IQGAP3: variants seen among roughly 807,000 people sequenced by gnomAD.
The protein encoded by IQGAP3 is IQ motif containing GTPase activating protein 3, also known as ras GTPase-activating-like protein IQGAP3.
A neutral mutation model predicts 208.2 loss-of-function variants in IQGAP3; 165 were observed. The observed-to-expected ratio is 0.79, with a 90% confidence interval of 0.70 to 0.90. IQGAP3 has a LOEUF of 0.90. Among genes scored for constraint, IQGAP3 ranks in the 40% least tolerant of loss-of-function variants. The probability of loss-of-function intolerance (pLI) is 0.00; values close to 1 mark genes in which losing one functional copy is unlikely to be tolerated. For synonymous variants in IQGAP3, 703 were observed against 803.6 expected (o/e 0.87, Z 2.12); for missense variants, 1,811 against 2,043.1 (o/e 0.89, Z 2.19).
rs200621017 is a variant in IQGAP3 at position 156,532,996 on chromosome 1, G to A, written c.4087C>T (p.Arg1363Cys). ...ATCACCCACCTCAGAAGCAGGCTACGGGTGTTGGAGTCATCAGCATCTGCC... is the reference window on the plus strand; with the variant it reads ...ATCACCCACCTCAGAAGCAGGCTACAGGTGTTGGAGTCATCAGCATCTGCC... ...LEADADDSNT[R>C]SLLLSTKQLL... Residue 1363 changes from arginine to cysteine, a missense_variant, in exon 32 of 38, where the codon CGT (arginine) becomes TGT (cysteine). Arg to Cys is a radical substitution (Grantham distance 180). Transcript: ENST00000361170. 5.3e-5 allele frequency: 85 copies of A among 1,613,968 alleles called. No homozygotes were observed. The East Asian group carries it at 1.4e-3, about 27-fold the overall frequency.
At chr1:156,543,533 G>A (rs1377151440) in intron 22 of IQGAP3, among the ~76,000 whole-genome samples, 1 of 152,218 alleles carries the variant, frequency 6.6e-6, no homozygotes, top group Non-Finnish European at 1.5e-5. Flanking sequence ...AGCTTTAAAT[G>A]AGCACCCAAC....
Position 156,537,469 on chromosome 1 carries a change from G to C in IQGAP3, c.3282-148C>G, listed in dbSNP as rs546047962. On this transcript the variant is annotated intron_variant, in intron 26 of 37. Transcript: ENST00000361170. Reference sequence around the variant, plus strand: ...CAGCATGCTAAAGGAGAAAGGGCCAGAATGAGAGAAAGGACTGGAGAAATG... The same window carrying C: ...CAGCATGCTAAAGGAGAAAGGGCCACAATGAGAGAAAGGACTGGAGAAATG... 9.7e-6 allele frequency: 7 copies of C among 722,236 alleles called. No homozygotes were observed. The African/African-American group carries it at 1.1e-4, about 11-fold the overall frequency. The allele number at this position is 722,236 out of a possible 1,614,324, so 44.7% of individuals were successfully genotyped here. A position where few individuals can be genotyped will look rare whatever the true frequency, so the allele number is the denominator to read the frequency against.
intron 1 of IQGAP3, among the ~76,000 whole-genome samples, chr1:156,570,582 A>C (rs2102452942): frequency 6.6e-6 from 1 of 152,314 alleles, no homozygotes; most frequent in East Asian, 1.9e-4. Context: ...GCAGTAGTGC[A>C]GCCTTGACCT....
intron 7 of IQGAP3, 98 bp from the exon 8 acceptor site, chr1:156,563,410 C>G (rs989762056): frequency 2.9e-6 from 4 of 1,393,570 alleles, no homozygotes; most frequent in Non-Finnish European, 3.9e-6. Context: ...CTTTTTCCCA[C>G]CCTCAAGGGC....
chr1:156,551,225 C>T (rs890680953), intron 15 of IQGAP3, among the ~76,000 whole-genome samples: 1 of 152,132 alleles, frequency 6.6e-6, no homozygotes, highest in African/African-American at 2.4e-5. Flanking sequence ...GTAACACGTG[C>T]AGGGTCAGGC....
Position 156,548,252 on chromosome 1 carries a change from G to C in IQGAP3, c.2134-9C>G. On this transcript the variant is annotated splice_polypyrimidine_tract_variant and intron_variant, in intron 18 of 37. Coordinates refer to ENST00000361170, the MANE Select transcript of IQGAP3 (RefSeq NM_178229.5). ...ACCTTGGTGACAGCTGACTGTGGAGGCAGGAGAGAGACGCTGTGGTCTTTT... is the reference window on the plus strand; with the variant it reads ...ACCTTGGTGACAGCTGACTGTGGAGCCAGGAGAGAGACGCTGTGGTCTTTT... 1 of 1,612,774 alleles carries C rather than the reference G, an allele frequency of 6.2e-7. No homozygotes were observed. Among genetic ancestry groups the C allele is most frequent in the Non-Finnish European group, 8.5e-7 (1 of 1,178,986 alleles).
intron 23 of IQGAP3, among the ~76,000 whole-genome samples, 184 bp downstream of exon 23, chr1:156,540,524 C>G: frequency 6.6e-6 from 1 of 152,158 alleles, no homozygotes. Context: ...GCTCTTTCTA[C>G]TCTGTCATGG....
rs1227042963 is a variant in IQGAP3, at chr1:156,540,735, C to G, written c.2712G>C (p.Leu904=). 6.2e-7 allele frequency: 1 copy of G among 1,614,110 alleles called. No homozygotes were observed. The highest frequency in any genetic ancestry group is 1.1e-5 in the South Asian group (1 of 91,074). ...GCAGAGTGATCCGGTTCTTCACCAG[C>G]AGGCCAATCTTGATGTCCATGATGT... ...DLNIMDIKIG[L]LVKNRITLQE... Residue 904 remains leucine, a synonymous_variant, in exon 23 of 38, where the codon CTG becomes CTC. Transcript: ENST00000361170.
chr1:156,562,182 C>A (rs1676185090), intron 9 of IQGAP3, among the ~76,000 whole-genome samples, 181 bp from the exon 10 acceptor site: 1 of 152,038 alleles, frequency 6.6e-6, no homozygotes, highest in African/African-American at 2.4e-5. Flanking sequence ...ACAGCCTTCT[C>A]ACTTCGCCGC....
In IQGAP3 at chr1:156,561,948, CT is replaced by C. The variant is rs1367584523; in HGVS notation, c.930del (p.Ala311ProfsTer16). On this transcript the variant is annotated frameshift_variant, in exon 10 of 38. Coordinates refer to ENST00000361170, the MANE Select transcript of IQGAP3 (RefSeq NM_178229.5). LOFTEE classifies it high-confidence loss of function. ...GGGTCTTGAAGGGCCTTGAGCAAGG[CT>C]TCAGGGCTCTGTCTTTCCAGGGCAT... The part of the protein sequence containing the change: ...VDDALERQSP[E>X]ALLKALQDPA... The C allele has an allele frequency of 3.1e-6, 5 of 1,613,934 alleles. No homozygotes were observed. Among genetic ancestry groups the C allele is most frequent in the Non-Finnish European group, 4.2e-6 (5 of 1,179,914 alleles).
intron 37 of IQGAP3, among the ~76,000 whole-genome samples, chr1:156,526,868 G>T (rs148401109): frequency 0.034 from 5,211 of 151,870 alleles, 277 homozygotes; most frequent in African/African-American, 0.12. Context: ...AGTCTCACTC[G>T]GTCTCCCAGG....
intron 13 of IQGAP3, among the ~76,000 whole-genome samples, chr1:156,552,773 C>A (rs1435556733): frequency 1.3e-5 from 2 of 152,168 alleles, no homozygotes; most frequent in Non-Finnish European, 2.9e-5. Flanking sequence ...CCAGAAAGAT[C>A]CCATTAAGTA....
chr1:156,564,565 G>T, intron 5 of IQGAP3, 50 bp downstream of exon 5: 2 of 1,177,244 alleles, frequency 1.7e-6, no homozygotes, highest in Non-Finnish European at 2.6e-6. Flanking sequence ...GTTGATTGTT[G>T]GTCGCATCCA....
intron 16 of IQGAP3, among the ~76,000 whole-genome samples, chr1:156,549,470 C>CAA (rs11317404): frequency 1.4e-4 from 11 of 80,192 alleles, no homozygotes; most frequent in African/African-American, 2.6e-4. Context: ...CACTCTGTCT[C>CAA]AAAAAAAAAA....
intron 26 of IQGAP3, among the ~76,000 whole-genome samples, chr1:156,538,206 GCC>G (rs1472607183): frequency 1.6e-4 from 24 of 152,114 alleles, no homozygotes; most frequent in African/African-American, 3.6e-4. Context: ...GACTACAGGT[GCC>G]TGCCACCACG....
intron 34 of IQGAP3, among the ~76,000 whole-genome samples, chr1:156,529,456 G>A (rs1340787761): frequency 6.6e-6 from 1 of 152,032 alleles, no homozygotes; most frequent in Non-Finnish European, 1.5e-5. Context: ...AAAGAGAGTT[G>A]CAAGAACACC....
intron 32 of IQGAP3, among the ~76,000 whole-genome samples, chr1:156,532,533 G>A (rs1198245891): frequency 6.6e-6 from 1 of 151,608 alleles, no homozygotes; most frequent in East Asian, 1.9e-4. Context: ...TTGTTTCTAA[G>A]AATAAACGAT....
Position 156,569,429 on chromosome 1 carries a change from C to A in IQGAP3, c.72G>T (p.Gln24His), listed in dbSNP as rs761273643. 6.2e-7 allele frequency: 1 copy of A among 1,612,768 alleles called. No individual in the cohort carries two copies. Among genetic ancestry groups the A allele is most frequent in the Non-Finnish European group, 8.5e-7 (1 of 1,179,546 alleles). ...ERLTAEEMDE[Q>H]RRQNVAYQYL... ...ACTGATAGGCAACATTCTGCCGCCT[C>A]TGCTCATCCATCTCCTCAGCTGTGA... The change falls in exon 2 of 38, where the codon CAG becomes CAT. Residue 24 changes from glutamine (Q) to histidine (H), a missense_variant. Coordinates refer to ENST00000361170, the MANE Select transcript of IQGAP3 (RefSeq NM_178229.5).
Position 156,534,609 on chromosome 1 carries a change from G to A in IQGAP3, c.3632C>T (p.Ala1211Val). Residue 1211 changes from alanine (A) to valine (V), a missense_variant, in exon 29 of 38, where the codon GCT becomes GTT. By Grantham distance (64) the Ala-to-Val change is moderately conservative. Transcript: ENST00000361170. ...AGCGTGCTGTAGGAGCTGAGCCACA[G>A]CCCCCAGGGCATGGCGCTGGGGGGC... ...LAAPQRHALG[A>V]VAQLLQHAAA... is the part of the protein sequence containing the mutation. 6.2e-7 allele frequency: 1 copy of A among 1,612,496 alleles called. No homozygotes were observed. The highest frequency in any genetic ancestry group is 8.5e-7 in the Non-Finnish European group (1 of 1,179,768).
Sources: gnomAD v4.1 joint callset for allele counts (sites outside exome capture counted in the v4.1 genomes callset) on GRCh38, gnomAD v4.1.1 for gene constraint, MANE v1.5 for transcripts, NCBI Gene and HGNC (gene_info 2026-07-23, HGNC 2026-07-21) for gene names.